EXOC3: variants seen among roughly 807,000 people sequenced by gnomAD.
EXOC3 encodes exocyst complex component 3, also known as SEC6-like 1.
In EXOC3, 21 loss-of-function variants were observed where a neutral mutation model predicts 73.7. That is an observed-to-expected ratio of 0.29 (90% CI 0.20 to 0.41). EXOC3 has a LOEUF of 0.41. Ranked by LOEUF, EXOC3 falls within the 10% of genes least tolerant of loss-of-function variation. The probability of loss-of-function intolerance (pLI) is 1.00; values close to 1 mark genes in which losing one functional copy is unlikely to be tolerated. For missense variants in EXOC3, 842 were observed against 985.1 expected, an observed-to-expected ratio of 0.85 and a Z score of 1.95; for synonymous variants, 410 against 389.1, an observed-to-expected ratio of 1.05 and a Z score of -0.63.
At chr5:454,608 A>G (rs983769195) in intron 4 of EXOC3, among the ~76,000 whole-genome samples, 3 of 152,238 alleles carry the variant, frequency 2.0e-5, no homozygotes, top group African/African-American at 7.2e-5. Flanking sequence ...TTTGTATCCT[A>G]GTACGAGGTT....
In EXOC3 at chr5:464,308, A is replaced by C; in HGVS notation, c.1672A>C (p.Met558Leu). The C allele has an allele frequency of 3.1e-6, 5 of 1,613,528 alleles. No individual in the cohort carries two copies. The South Asian group carries it at 4.4e-5, about 14-fold the overall frequency. ...TTTTCAGCAACATCTGAATGAATTG[A>C]TGACGAAGAAGTGGCTATTAGGGTC... Reference protein sequence around the residue: ...LDLEQHLNELMTKKWLLGSNA... With the variant: ...LDLEQHLNELLTKKWLLGSNA... The change falls in exon 10 of 13, where the codon ATG becomes CTG. Residue 558 changes from methionine to leucine, a missense_variant. Physicochemically the swap from Met to Leu is conservative, Grantham distance 15. Coordinates refer to ENST00000512944, the MANE Select transcript of EXOC3 (RefSeq NM_007277.5).
chr5:445,350 T>C (rs1737474150), intron 1 of EXOC3, among the ~76,000 whole-genome samples: 1 of 55,462 alleles, frequency 1.8e-5, no homozygotes, highest in South Asian at 4.7e-4. Flanking sequence ...TTTCTTTTTT[T>C]TTCTTTTTTT....
Position 461,974 on chromosome 5 carries a change from C to A in EXOC3, c.1406C>A (p.Ala469Glu), listed in dbSNP as rs759033187. ...NSFLSRYKDE[A>E]QLYKEEHLRN... is the part of the protein sequence containing the mutation. ...TCTGTCCTCAGATATAAAGATGAAG[C>A]GCAGCTGTATAAAGAAGAGCACCTG... Residue 469 changes from alanine to glutamate, a missense_variant, in exon 8 of 13, where the codon GCG becomes GAG. Ala to Glu is a moderately radical substitution (Grantham distance 107). Transcript: ENST00000512944. The A allele has an allele frequency of 7.5e-6, 12 of 1,592,402 alleles. No homozygotes were observed. The highest frequency in any genetic ancestry group is 1.0e-5 in the Non-Finnish European group (12 of 1,169,176).
Position 453,905 on chromosome 5 carries a change from C to A in EXOC3, c.900C>A (p.Cys300Ter). Residue 300 changes from cysteine (C) to a stop codon, truncating the protein, a stop_gained, in exon 4 of 13, where the codon TGC becomes TGA. Coordinates refer to ENST00000512944, the MANE Select transcript of EXOC3 (RefSeq NM_007277.5). LOFTEE classifies it high-confidence loss of function. ...LIVAKNLMVQ[C>*]FPPHYEIFKN... ...TCGCCAAAAACCTGATGGTTCAGTG[C>A]TTTCCTCCCCACTATGAGATCTTTA... is the stretch of plus-strand genomic sequence containing the variant. 1.2e-6 allele frequency: 2 copies of A among 1,614,024 alleles called. No individual in the cohort carries two copies. The highest frequency in any genetic ancestry group is 8.5e-7 in the Non-Finnish European group (1 of 1,179,900).
intron 12 of EXOC3, 107 bp from the exon 13 acceptor site, chr5:466,620 C>T: frequency 1.8e-6 from 2 of 1,125,894 alleles, no homozygotes; most frequent in South Asian, 1.6e-5. Context: ...CAGCGGTCCT[C>T]ACCCCCTGTG....
At chr5:466,627 T>G in intron 12 of EXOC3, 100 bp from the exon 13 acceptor site, 1 of 1,211,904 alleles carries the variant, frequency 8.3e-7, no homozygotes, top group Non-Finnish European at 1.1e-6. Flanking sequence ...CCTCACCCCC[T>G]GTGTTCTGTC....
intron 3 of EXOC3, 123 bp downstream of exon 3, chr5:447,875 C>G: frequency 1.0e-5 from 7 of 675,592 alleles, no homozygotes; most frequent in Non-Finnish European, 1.5e-5. Flanking sequence ...AAGTGTGATT[C>G]TTGTCTGCTC....
At chr5:449,848 A>G (rs1560935564) in intron 3 of EXOC3, among the ~76,000 whole-genome samples, 1 of 152,230 alleles carries the variant, frequency 6.6e-6, no homozygotes, top group South Asian at 2.1e-4. Flanking sequence ...TAAATCTTTG[A>G]GCAGCTGCCA....
rs1303499548 is a variant in EXOC3, at chr5:447,610, C to T, written c.222C>T (p.Asp74=). The T allele has an allele frequency of 6.3e-7, 1 of 1,588,216 alleles. No homozygotes were observed. The highest frequency in any genetic ancestry group is 8.6e-7 in the Non-Finnish European group (1 of 1,167,192). ...ACAACGCCCTGAATGACGTCAAAGA[C>T]ATCCAGCAGTCGCTGGCAGACGTCA... ...QLHNALNDVK[D]IQQSLADVSK... The change falls in exon 3 of 13, where the codon GAC becomes GAT. Residue 74 remains aspartate, a synonymous_variant. Transcript: ENST00000512944.
In EXOC3 at chr5:464,512, C is replaced by T; in HGVS notation, c.1776+100C>T. The T allele has an allele frequency of 9.0e-6, 12 of 1,328,610 alleles. 1 individual carries two copies. The South Asian group carries it at 1.4e-4, about 16-fold the overall frequency. The allele number at this position is 1,328,610 out of a possible 1,614,324, so 82.3% of individuals were successfully genotyped here. On this transcript the variant is annotated intron_variant, in intron 10 of 12. Transcript: ENST00000512944. ...TCCAGCGAGTCCCTCCGTGAGTGAA[C>T]GTTCACTTGTTGTCCTATCAGCCCA...
chr5:457,482 G>A (rs7727518), intron 5 of EXOC3: 3,267 of 227,690 alleles, frequency 0.014, 109 homozygotes, highest in African/African-American at 0.069. Context: ...AGAAGCCGAG[G>A]TGTCCTCAGG....
Position 466,533 on chromosome 5 carries a change from T to C in EXOC3, c.2067-194T>C, listed in dbSNP as rs1738156774. 3 of 557,922 alleles carry C rather than the reference T, an allele frequency of 5.4e-6. No homozygotes were observed. In the East Asian group the frequency reaches 8.6e-5, roughly 16 times the overall value. 34.6% of individuals were successfully genotyped at this position (557,922 alleles called of 1,614,324 possible). A position where few individuals can be genotyped will look rare whatever the true frequency, so the allele number is the denominator to read the frequency against. On this transcript the variant is annotated intron_variant, in intron 12 of 12. Transcript: ENST00000512944. ...GCAGTGTTGAAAAATCTTTCTGCAA[T>C]TGGATTGAGAAAAGACAGAGTAAGA...
rs536472319 is a variant in EXOC3 at position 465,186 on chromosome 5, C to A, written c.1852C>A (p.Arg618=). The A allele has an allele frequency of 1.3e-6, 2 of 1,595,316 alleles. No individual in the cohort carries two copies. The highest frequency in any genetic ancestry group is 3.5e-5 in the Admixed American group (2 of 57,064). ...RAVMQKRISF[R]SPEERKEGAE... ...GGTCATGCAGAAGCGCATTTCCTTC[C>A]GGAGCCCGGAGGAGCGCAAGGAGGG... Residue 618 remains arginine, a synonymous_variant, in exon 11 of 13, where the codon CGG becomes AGG. Transcript: ENST00000512944.
rs189486363 is a variant in EXOC3 at position 447,765 on chromosome 5, C to A, written c.364+13C>A. 4 of 1,516,758 alleles carry A rather than the reference C, an allele frequency of 2.6e-6. No homozygotes were observed. Among genetic ancestry groups the A allele is most frequent in the Non-Finnish European group, 1.8e-6 (2 of 1,123,800 alleles). 94.0% of individuals were successfully genotyped at this position (1,516,758 alleles called of 1,614,324 possible). A position where few individuals can be genotyped will look rare whatever the true frequency, so the allele number is the denominator to read the frequency against. On this transcript the variant is annotated intron_variant, in intron 3 of 12. Transcript: ENST00000512944. ...AACATCTTCTCAGGTACCAGCCAGA[C>A]GCCGAGGCACTTGCCCCCACTCACG...
Position 446,364 on chromosome 5 carries a change from C to T in EXOC3, c.144+15C>T. The T allele has an allele frequency of 6.3e-7, 1 of 1,579,474 alleles. No homozygotes were observed. The highest frequency in any genetic ancestry group is 8.6e-7 in the Non-Finnish European group (1 of 1,164,166). Reference sequence around the variant, plus strand: ...CCAGATTGAAGGTGAGGCCACCTGCCCCACTCCCAGGATCTGTCTTGGGCT... The same window carrying T: ...CCAGATTGAAGGTGAGGCCACCTGCTCCACTCCCAGGATCTGTCTTGGGCT... On this transcript the variant is annotated intron_variant, in intron 2 of 12. Transcript: ENST00000512944.
In EXOC3 at chr5:461,675, G is replaced by A. The variant is rs530466865; in HGVS notation, c.1392-285G>A. 22 of 415,892 alleles carry A rather than the reference G, an allele frequency of 5.3e-5. No homozygotes were observed. The East Asian group carries it at 1.0e-3, about 19-fold the overall frequency. The allele number at this position is 415,892 out of a possible 1,614,324, so 25.8% of individuals were successfully genotyped here. A position where few individuals can be genotyped will look rare whatever the true frequency, so the allele number is the denominator to read the frequency against. On this transcript the variant is annotated intron_variant, in intron 7 of 12. Transcript: ENST00000512944. The stretch of plus-strand genomic sequence containing the variant: ...CCGACGGGTAGCTCACTGCAGCGCA[G>A]CCAGCAGCCTTTAACTCCTGGGCTC...
chr5:461,386 G>A (rs557013495), intron 7 of EXOC3, among the ~76,000 whole-genome samples: 7 of 152,238 alleles, frequency 4.6e-5, no homozygotes, highest in South Asian at 2.1e-4. Context: ...AGGCTGAGGC[G>A]GGTGGATCAT....
rs185209093 is a variant in EXOC3 at position 454,067 on chromosome 5, C to A, written c.1046+16C>A. ...CCTACACAAGGTAAAGCTAACCTGG[C>A]GCCTGTGTTGGCTCTTAGGTAGAAG... On this transcript the variant is annotated intron_variant, in intron 4 of 12. Coordinates refer to ENST00000512944, the MANE Select transcript of EXOC3 (RefSeq NM_007277.5). The A allele has an allele frequency of 1.3e-6, 2 of 1,569,406 alleles. No individual in the cohort carries two copies. The highest frequency in any genetic ancestry group is 2.3e-5 in the East Asian group (1 of 42,830).
At position 459,532 on chromosome 5, in the gene EXOC3, C is replaced by A. The variant is rs188768527; in HGVS notation, c.1391+73C>A. ...AAATTAGAAGCAAAAATTTTTTGAT[C>A]CTACTATGCCTGTTACTAAGAAGAA... On this transcript the variant is annotated intron_variant, in intron 7 of 12. Coordinates refer to ENST00000512944, the MANE Select transcript of EXOC3 (RefSeq NM_007277.5). The A allele has an allele frequency of 8.5e-4, 571 of 674,816 alleles. 29 individuals carry two copies. Among genetic ancestry groups the A allele is most frequent in the East Asian group, 8.4e-3 (284 of 33,656 alleles). 41.8% of individuals were successfully genotyped at this position (674,816 alleles called of 1,614,324 possible). A position where few individuals can be genotyped will look rare whatever the true frequency, so the allele number is the denominator to read the frequency against.
Sources: gnomAD v4.1 joint callset for allele counts (sites outside exome capture counted in the v4.1 genomes callset) on GRCh38, gnomAD v4.1.1 for gene constraint, MANE v1.5 for transcripts, NCBI Gene and HGNC (gene_info 2026-07-23, HGNC 2026-07-21) for gene names.